PRELID2: variants seen among roughly 807,000 people sequenced by gnomAD.
PRELID2 encodes the protein PRELI domain containing 2.
PRELID2 carries 25 observed loss-of-function variants against 28.4 expected under a neutral mutation model. The ratio of observed to expected loss-of-function variants is 0.88; its 90% CI spans 0.64 to 1.23. PRELID2 has a LOEUF of 1.23. PRELID2 is among the 50% of genes most tolerant of loss of function. The probability of loss-of-function intolerance (pLI) is 0.00; values close to 1 mark genes in which losing one functional copy is unlikely to be tolerated. For synonymous variants in PRELID2, 76 were observed against 71.6 expected (o/e 1.06, Z -0.31); for missense variants, 201 against 214.4 (o/e 0.94, Z 0.39).
At chr5:145,559,046 A>G (rs1334845479) in intron 1 of PRELID2, among the ~76,000 whole-genome samples, 2 of 152,164 alleles carry the variant, frequency 1.3e-5, no homozygotes, top group African/African-American at 4.8e-5. Context: ...CGAGGTCAGG[A>G]GATCGAGACC....
chr5:145,495,001 C>T (rs1472450482), intron 1 of PRELID2, among the ~76,000 whole-genome samples: 2 of 152,122 alleles, frequency 1.3e-5, no homozygotes, highest in African/African-American at 4.8e-5. Flanking sequence ...GTGATGTAAG[C>T]TGTTTGCATT....
chr5:145,339,863 T>C, the PRELID2 span, among the ~76,000 whole-genome samples: 6 of 152,328 alleles, frequency 3.9e-5, no homozygotes, highest in South Asian at 8.3e-4. Context: ...GCTGACACTG[T>C]TGCTGCTGCC....
chr5:145,519,942 A>C (rs62392702), intron 1 of PRELID2, among the ~76,000 whole-genome samples: 2 of 152,206 alleles, frequency 1.3e-5, no homozygotes, highest in African/African-American at 2.4e-5. Context: ...TAGGTTTCCA[A>C]ATCATACTTA....
chr5:145,713,533 GT>G (rs1216035043), intron 1 of PRELID2, among the ~76,000 whole-genome samples: 3 of 139,358 alleles, frequency 2.2e-5, no homozygotes, highest in African/African-American at 8.0e-5. Context: ...CATTTTTAAA[GT>G]GCTTTATATA....
the PRELID2 span, among the ~76,000 whole-genome samples, chr5:145,298,391 T>C: frequency 7.2e-5 from 11 of 152,096 alleles, no homozygotes; most frequent in African/African-American, 2.4e-4. Flanking sequence ...ATTTAATAAA[T>C]GGTGCTGGGA....
At chr5:145,481,761 C>A (rs1469663200) in intron 1 of PRELID2, among the ~76,000 whole-genome samples, 1 of 150,406 alleles carries the variant, frequency 6.6e-6, no homozygotes, top group Non-Finnish European at 1.5e-5. Context: ...CTCATTTCAA[C>A]AAACATCAGA....
chr5:145,596,312 G>A (rs1753305887), intron 1 of PRELID2, among the ~76,000 whole-genome samples: 1 of 151,912 alleles, frequency 6.6e-6, no homozygotes, highest in Non-Finnish European at 1.5e-5. Flanking sequence ...AGTGTACAAA[G>A]AAAAAGGTAA....
chr5:145,265,480 T>C, the PRELID2 span, among the ~76,000 whole-genome samples: 1 of 152,166 alleles, frequency 6.6e-6, no homozygotes, highest in South Asian at 2.1e-4. Flanking sequence ...ATAAAATTCA[T>C]ATGGAACCAA....
rs1752518440 is a variant in PRELID2 at position 145,516,528 on chromosome 5, G to A, written n.71-43213C>T. ...GAGAAACATTCCATGCTCATGGACA[G>A]GAAGAATCAATATCGTGAAAATGGC... On this transcript the variant is annotated intron_variant and non_coding_transcript_variant, in intron 1 of 2. Transcript: ENST00000510259. Among the ~76,000 whole-genome samples, 11 of 152,250 alleles carry A rather than the reference G, an allele frequency of 7.2e-5. 1 individual carries two copies. The South Asian group carries it at 2.3e-3, about 32-fold the overall frequency.
chr5:145,666,059 G>A lies in PRELID2; in HGVS notation n.70+98872C>T, dbSNP rs556413310. The stretch of plus-strand genomic sequence containing the variant: ...TTATGTTAACAAAAATTTGGAGATA[G>A]AGTCTTCAGACATAACTGGATCAAG... On this transcript the variant is annotated intron_variant and non_coding_transcript_variant, in intron 1 of 2. Coordinates refer to the PRELID2 transcript ENST00000510259. Among the ~76,000 whole-genome samples, 25 of 151,154 alleles carry A rather than the reference G, an allele frequency of 1.7e-4. 1 individual carries two copies. The highest frequency in any genetic ancestry group is 1.5e-3 in the Admixed American group (23 of 15,162).
the PRELID2 span, chr5:145,229,836 T>A: frequency 1.3e-6 from 1 of 760,060 alleles, no homozygotes; most frequent in Non-Finnish European, 2.4e-6. Context: ...CATCGCCAAG[T>A]CCCAGGAGCC....
At chr5:145,811,659 C>T (rs892614415) in intron 4 of PRELID2, among the ~76,000 whole-genome samples, 3 of 152,120 alleles carry the variant, frequency 2.0e-5, no homozygotes, top group Non-Finnish European at 2.9e-5. Flanking sequence ...CCTGTGCAGG[C>T]CTGGAGGGAG....
At chr5:145,476,674 A>C (rs1396115490) in intron 1 of PRELID2, among the ~76,000 whole-genome samples, 1 of 152,152 alleles carries the variant, frequency 6.6e-6, no homozygotes, top group Non-Finnish European at 1.5e-5. Context: ...AAATTTATTA[A>C]TTGTTCCTTC....
At chr5:145,788,161 GCTGTAGAAATGTATATGAAGC>G (rs148342858) in intron 5 of PRELID2, among the ~76,000 whole-genome samples, 4,371 of 152,216 alleles carry the variant, frequency 0.029, 215 homozygotes, top group African/African-American at 0.098. Context: ...ATCTTCCAAG[GCTGTAGAAATGTATATGAAGC>G]CTTTCATGTG....
At chr5:145,430,202 C>T in the PRELID2 span, among the ~76,000 whole-genome samples, 2 of 152,184 alleles carry the variant, frequency 1.3e-5, no homozygotes, top group Admixed American at 6.5e-5. Context: ...ATACCATCCT[C>T]CATGAAGTAT....
the PRELID2 span, among the ~76,000 whole-genome samples, chr5:145,250,815 A>G: frequency 6.6e-6 from 1 of 152,116 alleles, no homozygotes; most frequent in East Asian, 1.9e-4. Flanking sequence ...AAACAAACGA[A>G]TGTTAATGGC....
intron 1 of PRELID2, among the ~76,000 whole-genome samples, chr5:145,594,111 G>A (rs530828894): frequency 6.6e-6 from 1 of 152,266 alleles, no homozygotes; most frequent in African/African-American, 2.4e-5. Flanking sequence ...TGGGCTGTGA[G>A]ATTCTGATTT....
At chr5:145,234,511 G>A in the PRELID2 span, among the ~76,000 whole-genome samples, 8 of 152,068 alleles carry the variant, frequency 5.3e-5, no homozygotes, top group African/African-American at 1.7e-4. Context: ...AGCCCAGAGC[G>A]GTAAAAAATG....
the PRELID2 span, among the ~76,000 whole-genome samples, chr5:145,237,477 G>T: frequency 6.6e-6 from 1 of 152,002 alleles, no homozygotes; most frequent in Non-Finnish European, 1.5e-5. Flanking sequence ...GAATGTTTGT[G>T]TAGTCATTTC....
Sources: allele counts gnomAD v4.1 joint callset (sites outside exome capture counted in the v4.1 genomes callset), GRCh38; gene constraint gnomAD v4.1.1; transcripts MANE v1.5; gene names NCBI Gene and HGNC (gene_info 2026-07-23, HGNC 2026-07-21).